Variants in ARL8B observed in about 807,000 individuals in gnomAD.
The protein encoded by ARL8B is ARF like GTPase 8B.
In ARL8B, 9 loss-of-function variants were observed where a neutral mutation model predicts 30.6. The observed-to-expected ratio is 0.29, with a 90% CI of 0.18 to 0.51. The LOEUF (loss-of-function observed/expected upper bound fraction) is 0.51. Among genes scored for constraint, ARL8B ranks in the 20% least tolerant of loss-of-function variants. ARL8B has a pLI of 0.97. For missense variants in ARL8B, 130 were observed against 227.2 expected, an observed-to-expected ratio of 0.57 and a Z score of 2.75; for synonymous variants, 74 against 76.0, an observed-to-expected ratio of 0.97 and a Z score of 0.14.
chr3:5,178,992 T>A lies in ARL8B; in HGVS notation c.*279T>A, dbSNP rs1458093868. On this transcript the variant is annotated 3_prime_UTR_variant, in exon 7 of 7. Coordinates refer to ENST00000256496, the MANE Select transcript of ARL8B (RefSeq NM_018184.3). The stretch of plus-strand genomic sequence containing the variant: ...TTAAAAACAGAAAAAAAACCCCATA[T>A]ACTTATGACCATCTTAAATCAAGAA... The A allele has an allele frequency of 3.3e-6, 1 of 305,688 alleles. No individual in the cohort carries two copies. Among genetic ancestry groups the A allele is most frequent in the Non-Finnish European group, 5.8e-6 (1 of 171,256 alleles). 18.9% of individuals were successfully genotyped at this position (305,688 alleles called of 1,614,324 possible). A position where few individuals can be genotyped will look rare whatever the true frequency, so the allele number is the denominator to read the frequency against.
chr3:5,123,717 G>A (rs2054203711), intron 1 of ARL8B, among the ~76,000 whole-genome samples: 1 of 152,162 alleles, frequency 6.6e-6, no homozygotes, highest in Admixed American at 6.5e-5. Flanking sequence ...GAGAAAATAG[G>A]TAACTTGTGA....
chr3:5,173,620 C>T (rs1460794729), intron 4 of ARL8B, among the ~76,000 whole-genome samples: 3 of 152,004 alleles, frequency 2.0e-5, no homozygotes, highest in East Asian at 1.9e-4. Context: ...GTCCCAGCTA[C>T]GGCAGGAGAA....
Position 5,178,912 on chromosome 3 carries a change from C to A in ARL8B, c.*199C>A. 3.1e-6 allele frequency: 3 copies of A among 979,778 alleles called. No individual in the cohort carries two copies. The highest frequency in any genetic ancestry group is 2.2e-5 in the South Asian group (1 of 45,380). 60.7% of individuals were successfully genotyped at this position (979,778 alleles called of 1,614,324 possible). A position where few individuals can be genotyped will look rare whatever the true frequency, so the allele number is the denominator to read the frequency against. On this transcript the variant is annotated 3_prime_UTR_variant, in exon 7 of 7. Coordinates refer to ENST00000256496, the MANE Select transcript of ARL8B (RefSeq NM_018184.3). ...TCAGCTAGAGTTGTCATGATAAAGT[C>A]AGCACACACAAAAAGGCTTCTTACA... is the stretch of plus-strand genomic sequence containing the variant.
At chr3:5,176,548 C>T (rs1644387573) in intron 6 of ARL8B, among the ~76,000 whole-genome samples, 1 of 152,130 alleles carries the variant, frequency 6.6e-6, no homozygotes, top group African/African-American at 2.4e-5. Context: ...ATGCTTTATT[C>T]AGTTTAAAGT....
chr3:5,159,693 C>G (rs2054564868), intron 1 of ARL8B, among the ~76,000 whole-genome samples: 1 of 149,932 alleles, frequency 6.7e-6, no homozygotes, highest in Admixed American at 6.6e-5. Context: ...TTGGGTAGCT[C>G]TAGAAATCCC....
rs367668339 is a variant in ARL8B at position 5,172,750 on chromosome 3, G to A, written c.372+10G>A. ...GTTACAAGGAATTCCAGTAAGTATG[G>A]AATACTTGTTATTTTACATTGTAAT... On this transcript the variant is annotated intron_variant, in intron 4 of 6. Coordinates refer to ENST00000256496, the MANE Select transcript of ARL8B (RefSeq NM_018184.3). 4.1e-6 allele frequency: 6 copies of A among 1,454,634 alleles called. No homozygotes were observed. The African/African-American group carries it at 8.4e-5, about 20-fold the overall frequency. 90.1% of individuals were successfully genotyped at this position (1,454,634 alleles called of 1,614,324 possible). A position where few individuals can be genotyped will look rare whatever the true frequency, so the allele number is the denominator to read the frequency against.
chr3:5,176,036 T>C (rs775281102), intron 6 of ARL8B, among the ~76,000 whole-genome samples: 20 of 152,200 alleles, frequency 1.3e-4, no homozygotes, highest in Admixed American at 4.6e-4. Flanking sequence ...AGAATAAGTA[T>C]GTATGGCTCA....
At chr3:5,145,135 C>A (rs2054407399) in intron 1 of ARL8B, among the ~76,000 whole-genome samples, 1 of 152,064 alleles carries the variant, frequency 6.6e-6, no homozygotes, top group African/African-American at 2.4e-5. Context: ...CAGCCTTATC[C>A]CATCATGTTG....
At chr3:5,134,992 G>A (rs2054312666) in intron 1 of ARL8B, among the ~76,000 whole-genome samples, 1 of 152,056 alleles carries the variant, frequency 6.6e-6, no homozygotes, top group African/African-American at 2.4e-5. Flanking sequence ...GGGACTGCCG[G>A]CACACACCAC....
intron 1 of ARL8B, among the ~76,000 whole-genome samples, chr3:5,147,344 A>G (rs1378549464): frequency 6.6e-6 from 1 of 152,226 alleles, no homozygotes; most frequent in African/African-American, 2.4e-5. Flanking sequence ...TGCAAAGGAC[A>G]TGAACTCATC....
rs375761007 is a variant in ARL8B, at chr3:5,151,729, C to A, written c.124-18774C>A. On this transcript the variant is annotated intron_variant, in intron 1 of 6. Transcript: ENST00000256496. ...GAAGCTTTTCTCCCCCCACCCCCCC[C>A]CTTGGAGATAGGATCTTGCTGTCTT... Among the ~76,000 whole-genome samples, 13 of 129,166 alleles carry A rather than the reference C, an allele frequency of 1.0e-4. No individual in the cohort carries two copies. In the South Asian group the frequency reaches 1.1e-3, roughly 11 times the overall value. The allele number at this position is 129,166 out of a possible 152,430, so 84.7% of individuals were successfully genotyped here.
intron 1 of ARL8B, among the ~76,000 whole-genome samples, chr3:5,159,602 C>CAAAAAAAAAAAAAAAAAAAAAACA (rs2054563258): frequency 1.3e-5 from 1 of 77,062 alleles, no homozygotes; most frequent in Non-Finnish European, 2.6e-5. Context: ...AACTCCGTCT[C>CAAAAAAAAAAAAAAAAAAAAAACA]AAAAAAAAAA....
chr3:5,135,339 A>AGTGCAGTG (rs57544614), intron 1 of ARL8B, among the ~76,000 whole-genome samples: 58,585 of 151,120 alleles, frequency 0.39, 12,017 homozygotes, highest in African/African-American at 0.55. Context: ...CCCAGACTGG[A>AGTGCAGTG]GTGCAGTCTT....
intron 1 of ARL8B, among the ~76,000 whole-genome samples, chr3:5,131,413 C>CA (rs972419191): frequency 6.0e-5 from 9 of 149,338 alleles, no homozygotes; most frequent in African/African-American, 2.2e-4. Context: ...TTTTTTGAGA[C>CA]AGAGTCTCAC....
At chr3:5,130,013 G>C (rs1575558219) in intron 1 of ARL8B, among the ~76,000 whole-genome samples, 1 of 152,138 alleles carries the variant, frequency 6.6e-6, no homozygotes, top group East Asian at 1.9e-4. Flanking sequence ...ACAGGCACGT[G>C]CCACCACACA....
intron 1 of ARL8B, among the ~76,000 whole-genome samples, chr3:5,160,895 A>C (rs1176069482): frequency 6.6e-6 from 1 of 152,236 alleles, no homozygotes; most frequent in Non-Finnish European, 1.5e-5. Flanking sequence ...TGACAGGATA[A>C]ATAAAACTTG....
chr3:5,162,803 G>T (rs983946650), intron 1 of ARL8B, among the ~76,000 whole-genome samples: 4 of 151,992 alleles, frequency 2.6e-5, no homozygotes, highest in Non-Finnish European at 5.9e-5. Context: ...AACATGGGCG[G>T]GTCTGTTCCA....
intron 1 of ARL8B, among the ~76,000 whole-genome samples, chr3:5,136,925 A>G (rs1002702323): frequency 1.3e-5 from 2 of 152,176 alleles, no homozygotes; most frequent in Admixed American, 6.5e-5. Context: ...ACTTGATCAA[A>G]ATTATATTTA....
chr3:5,170,107 A>G (rs1321478759), intron 1 of ARL8B, among the ~76,000 whole-genome samples: 1 of 152,250 alleles, frequency 6.6e-6, no homozygotes, highest in Non-Finnish European at 1.5e-5. Context: ...AATGCTGTTT[A>G]GCAGTGAATT....
Sources: gnomAD v4.1 joint callset for allele counts (sites outside exome capture counted in the v4.1 genomes callset) on GRCh38, gnomAD v4.1.1 for gene constraint, MANE v1.5 for transcripts, NCBI Gene and HGNC (gene_info 2026-07-23, HGNC 2026-07-21) for gene names.